USP30: variants seen among roughly 807,000 people sequenced by gnomAD.
USP30 encodes the protein ubiquitin specific peptidase 30, also known as ubiquitin carboxyl-terminal hydrolase 30.
In USP30, 41 loss-of-function variants were observed where a neutral mutation model predicts 68.2. The ratio of observed to expected loss-of-function variants is 0.60; its 90% CI spans 0.47 to 0.78. The LOEUF (loss-of-function observed/expected upper bound fraction) is 0.78. Ranked by LOEUF, USP30 falls within the 30% of genes least tolerant of loss-of-function variation. The probability of loss-of-function intolerance (pLI) is 0.00; values close to 1 mark genes in which losing one functional copy is unlikely to be tolerated. For synonymous variants in USP30, 229 were observed against 253.7 expected (o/e 0.90, Z 0.93); for missense variants, 522 against 649.4 (o/e 0.80, Z 2.13).
At chr12:109,030,542 C>T (rs1054739308) in intron 3 of USP30, among the ~76,000 whole-genome samples, 4 of 152,204 alleles carry the variant, frequency 2.6e-5, no homozygotes, top group Non-Finnish European at 5.9e-5. Context: ...CTATAGGTAA[C>T]GATACTTGAA....
chr12:109,052,969 C>T, intron 1 of USP30: 4 of 450,500 alleles, frequency 8.9e-6, no homozygotes, highest in Non-Finnish European at 1.1e-5. Context: ...ATTCTGTCTG[C>T]ACTCCCCAGG....
At chr12:109,068,960 G>C (rs995174188) in intron 4 of USP30, among the ~76,000 whole-genome samples, 28 of 152,348 alleles carry the variant, frequency 1.8e-4, no homozygotes, top group Admixed American at 1.2e-3. Flanking sequence ...TCTAAAGCTA[G>C]AGCTTCAGAG....
At position 109,086,209 on chromosome 12, in the gene USP30, A is replaced by G; in HGVS notation, c.*278A>G. 2.9e-6 allele frequency: 1 copy of G among 342,446 alleles called. No individual in the cohort carries two copies. Among genetic ancestry groups the G allele is most frequent in the Non-Finnish European group, 5.3e-6 (1 of 189,126 alleles). 21.2% of individuals were successfully genotyped at this position (342,446 alleles called of 1,614,324 possible). ...TCATCTGATACAGGTAATTAAAAGA[A>G]CTCAGATTCTTGAAGCCACCGTTTT... On this transcript the variant is annotated 3_prime_UTR_variant, in exon 13 of 13. Transcript: ENST00000257548.
chr12:109,055,379 C>CATATATATATATATATATATATAT, intron 1 of USP30, among the ~76,000 whole-genome samples: 1 of 58,936 alleles, frequency 1.7e-5, no homozygotes, highest in African/African-American at 6.9e-5. Context: ...CATATATATA[C>CATATATATATATATATATATATAT]ATATATATAT....
chr12:109,050,528 A>T (rs75751817), upstream of USP30, among the ~76,000 whole-genome samples: 590 of 151,794 alleles, frequency 3.9e-3, 5 homozygotes, highest in African/African-American at 0.014. Context: ...ATGCGACACC[A>T]CCCCCAGCAT....
chr12:109,061,740 G>A (rs2041073433), intron 3 of USP30, among the ~76,000 whole-genome samples: 1 of 152,056 alleles, frequency 6.6e-6, no homozygotes, highest in South Asian at 2.1e-4. Context: ...TACAAGTAAT[G>A]CATGAATCAG....
chr12:109,040,288 T>C (rs1172912768), intron 3 of USP30, among the ~76,000 whole-genome samples: 2 of 152,144 alleles, frequency 1.3e-5, no homozygotes, highest in African/African-American at 4.8e-5. Flanking sequence ...AAAATGCAGA[T>C]TCTTAGGCAT....
chr12:109,052,056 T>A (rs1342486195), upstream of USP30, among the ~76,000 whole-genome samples: 1 of 152,186 alleles, frequency 6.6e-6, no homozygotes, highest in African/African-American at 2.4e-5. Context: ...TTCCCTGGGA[T>A]GTAAAATGTG....
intron 3 of USP30, among the ~76,000 whole-genome samples, chr12:109,035,510 T>A (rs1268787609): frequency 3.9e-5 from 6 of 152,052 alleles, no homozygotes. Flanking sequence ...ACTACAGGCA[T>A]GTGCCACCAT....
At position 109,082,675 on chromosome 12, in the gene USP30, G is replaced by C; in HGVS notation, c.880G>C (p.Gly294Arg). Reference protein sequence around the residue: ...CDNCTKIEAKGTLNGEKVEHQ... With the variant: ...CDNCTKIEAKRTLNGEKVEHQ... ...CCTTTTATTTCAGATTGAAGCCAAG[G>C]GAACGTTGAACGGGGAAAAGGTGGA... The change falls in exon 10 of 13, where the codon GGA becomes CGA. Residue 294 changes from glycine (G) to arginine (R), a missense_variant. Physicochemically the swap from Gly to Arg is moderately radical, Grantham distance 125 (BLOSUM62 -2). Coordinates refer to ENST00000257548, the MANE Select transcript of USP30 (RefSeq NM_032663.5). 1 of 1,614,140 alleles carries C rather than the reference G, an allele frequency of 6.2e-7. No individual in the cohort carries two copies. Among genetic ancestry groups the C allele is most frequent in the Non-Finnish European group, 8.5e-7 (1 of 1,180,004 alleles).
intron 3 of USP30, among the ~76,000 whole-genome samples, chr12:109,040,286 G>A (rs1477611702): frequency 6.6e-6 from 1 of 152,140 alleles, no homozygotes; most frequent in Non-Finnish European, 1.5e-5. Context: ...TCAAAATGCA[G>A]ATTCTTAGGC....
At chr12:109,083,715 A>T (rs1199810125) in intron 11 of USP30, among the ~76,000 whole-genome samples, 1 of 152,064 alleles carries the variant, frequency 6.6e-6, no homozygotes, top group Non-Finnish European at 1.5e-5. Context: ...GACATGAGGA[A>T]AACCCACTCA....
At chr12:109,067,318 CAT>C (rs1437367837) in intron 3 of USP30, among the ~76,000 whole-genome samples, 2 of 151,580 alleles carry the variant, frequency 1.3e-5, no homozygotes, top group African/African-American at 4.9e-5. Flanking sequence ...GGAGTTTCAC[CAT>C]GTTAGCCAGG....
At chr12:109,025,862 A>AT (rs1279303346) in intron 2 of USP30, among the ~76,000 whole-genome samples, 1 of 151,586 alleles carries the variant, frequency 6.6e-6, no homozygotes, top group Non-Finnish European at 1.5e-5. Context: ...TAATTTTTGT[A>AT]TTTTTTGTAG....
intron 3 of USP30, among the ~76,000 whole-genome samples, chr12:109,059,773 G>A (rs1312656760): frequency 1.3e-5 from 2 of 152,192 alleles, no homozygotes; most frequent in Non-Finnish European, 2.9e-5. Context: ...TCAGCTCAAA[G>A]TGCTGGGATT....
At chr12:109,053,104 C>T (rs2040723268) in intron 1 of USP30, 1 of 214,438 alleles carries the variant, frequency 4.7e-6, no homozygotes, top group Admixed American at 5.9e-5. Flanking sequence ...GCCAAGACCC[C>T]TCAATCCTTC....
At chr12:109,025,889 C>T (rs2040441719) in intron 2 of USP30, among the ~76,000 whole-genome samples, 1 of 151,984 alleles carries the variant, frequency 6.6e-6, no homozygotes, top group Admixed American at 6.6e-5. Context: ...AGTTTTGCTT[C>T]ATTGCCCAGG....
intron 3 of USP30, among the ~76,000 whole-genome samples, chr12:109,034,782 TC>T (rs1200817463): frequency 6.6e-6 from 1 of 152,210 alleles, no homozygotes; most frequent in Admixed American, 6.5e-5. Flanking sequence ...CCTTTTTTTT[TC>T]ATTGTATTTT....
chr12:109,041,559 T>C (rs1236387471), intron 3 of USP30, among the ~76,000 whole-genome samples: 1 of 151,616 alleles, frequency 6.6e-6, no homozygotes, highest in Non-Finnish European at 1.5e-5. Context: ...CGCTTGAACC[T>C]GGTAGGTGGA....
Sources: gnomAD v4.1 joint callset for allele counts (sites outside exome capture counted in the v4.1 genomes callset) on GRCh38, gnomAD v4.1.1 for gene constraint, MANE v1.5 for transcripts, NCBI Gene and HGNC (gene_info 2026-07-23, HGNC 2026-07-21) for gene names.